Variants in MCTP2 observed in about 807,000 individuals in gnomAD.
MCTP2 encodes the protein multiple C2 and transmembrane domain containing 2.
A neutral mutation model predicts 111.6 loss-of-function variants in MCTP2; 132 were observed. The observed-to-expected ratio is 1.18, with a 90% CI of 1.03 to 1.37. The LOEUF is 1.37. Ranked by LOEUF, MCTP2 falls within the 40% of genes most tolerant of loss-of-function variation. The pLI, the probability that MCTP2 is intolerant of heterozygous loss-of-function variation, is 0.00. For synonymous variants in MCTP2, 395 were observed against 387.7 expected, an observed-to-expected ratio of 1.02 and a Z score of -0.22; for missense variants, 1,183 against 1,067.9, an observed-to-expected ratio of 1.11 and a Z score of -1.50.
At position 94,356,130 on chromosome 15, in the gene MCTP2, GCTTTAGTCCT is replaced by G. The variant is rs929169310; in HGVS notation, c.1006-2_1013del. On this transcript the variant is annotated splice_acceptor_variant and splice_polypyrimidine_tract_variant and coding_sequence_variant and intron_variant, in exon 9 of 23. Coordinates refer to ENST00000357742, the MANE Select transcript of MCTP2 (RefSeq NM_001385001.1). LOFTEE classifies it high-confidence loss of function. ...AGTTTACATGTCATCTTTATTTTTT[GCTTTAGTCCT>G]CTTTGATACGCAACCTACGGCTCTC... The G allele has an allele frequency of 6.4e-7, 1 of 1,562,804 alleles. No individual in the cohort carries two copies. Among genetic ancestry groups the G allele is most frequent in the African/African-American group, 1.4e-5 (1 of 72,160 alleles).
intron 8 of MCTP2, among the ~76,000 whole-genome samples, chr15:94,347,745 C>T (rs767016507): frequency 2.0e-4 from 31 of 151,996 alleles, no homozygotes; most frequent in Admixed American, 8.5e-4. Context: ...TATAACAATT[C>T]GAGAGCTAAA....
chr15:94,301,815 C>G (rs918444065), intron 2 of MCTP2, among the ~76,000 whole-genome samples: 2 of 147,238 alleles, frequency 1.4e-5, no homozygotes, highest in Non-Finnish European at 3.0e-5. Context: ...GATTTTAACT[C>G]TGAATTTATC....
intron 12 of MCTP2, among the ~76,000 whole-genome samples, chr15:94,377,819 G>T (rs1378584446): frequency 6.6e-6 from 1 of 152,132 alleles, no homozygotes; most frequent in African/African-American, 2.4e-5. Context: ...TGTTCTAGCA[G>T]CGATGTCAAA....
intron 1 of MCTP2, among the ~76,000 whole-genome samples, chr15:94,288,918 G>C (rs2074900735): frequency 6.6e-6 from 1 of 152,140 alleles, no homozygotes; most frequent in South Asian, 2.1e-4. Context: ...AGCAGACTGG[G>C]GATGACAGAG....
intron 17 of MCTP2, among the ~76,000 whole-genome samples, chr15:94,431,490 T>C (rs1282834467): frequency 6.6e-6 from 1 of 152,188 alleles, no homozygotes; most frequent in Non-Finnish European, 1.5e-5. Flanking sequence ...AAATGGAATA[T>C]TTTAATCAGT....
chr15:94,395,168 C>G (rs1038365726), intron 14 of MCTP2, among the ~76,000 whole-genome samples: 1 of 152,224 alleles, frequency 6.6e-6, no homozygotes, highest in Admixed American at 6.5e-5. Flanking sequence ...ACATGTCTGT[C>G]CTCGTCACAT....
At chr15:94,450,818 T>TTGTC (rs1354189797) in intron 19 of MCTP2, among the ~76,000 whole-genome samples, 1 of 152,252 alleles carries the variant, frequency 6.6e-6, no homozygotes, top group East Asian at 1.9e-4. Flanking sequence ...TTTCAGGACT[T>TTGTC]TGTCTCCTGT....
chr15:94,259,739 T>C (rs1406546983), intron 1 of MCTP2, among the ~76,000 whole-genome samples: 1 of 152,244 alleles, frequency 6.6e-6, no homozygotes, highest in Admixed American at 6.5e-5. Flanking sequence ...GTTGCCCTTT[T>C]GTTCAGGTTA....
At chr15:94,288,596 T>G (rs2074877695) in intron 1 of MCTP2, among the ~76,000 whole-genome samples, 1 of 152,208 alleles carries the variant, frequency 6.6e-6, no homozygotes, top group African/African-American at 2.4e-5. Flanking sequence ...CTTTGTAGAC[T>G]TAAATAAAGC....
At chr15:94,313,934 C>T (rs294554) in intron 2 of MCTP2, among the ~76,000 whole-genome samples, 76,697 of 152,108 alleles carry the variant, frequency 0.5, 19,742 homozygotes, top group Non-Finnish European at 0.56. Flanking sequence ...GGCTGGGGGC[C>T]GGGCTGGCCC....
chr15:94,302,920 A>G (rs757250668), intron 2 of MCTP2, among the ~76,000 whole-genome samples: 1 of 151,828 alleles, frequency 6.6e-6, no homozygotes. Flanking sequence ...ACAGTTCCAC[A>G]TGGCTGGGGA....
chr15:94,281,329 C>T (rs1205402712), intron 1 of MCTP2, among the ~76,000 whole-genome samples: 2 of 151,744 alleles, frequency 1.3e-5, no homozygotes, highest in African/African-American at 4.8e-5. Flanking sequence ...CTTCTTTGTC[C>T]TTCTTGATTA....
chr15:94,298,233 CT>C lies in MCTP2; in HGVS notation c.-32del, dbSNP rs757267764. On this transcript the variant is annotated 5_prime_UTR_variant, in exon 2 of 23. Transcript: ENST00000357742. Reference sequence around the variant, plus strand: ...TGCAGTTTTCAGTAGAGGTGTACTTCTGAGAAGTGGCTTCTTGGGTCTTCAT... The same window carrying C: ...TGCAGTTTTCAGTAGAGGTGTACTTCGAGAAGTGGCTTCTTGGGTCTTCAT... 6.5e-7 allele frequency: 1 copy of C among 1,537,954 alleles called. No individual in the cohort carries two copies. Among genetic ancestry groups the C allele is most frequent in the Non-Finnish European group, 8.8e-7 (1 of 1,138,992 alleles).
At chr15:94,287,296 A>C (rs2152320298) in intron 1 of MCTP2, among the ~76,000 whole-genome samples, 1 of 151,222 alleles carries the variant, frequency 6.6e-6, no homozygotes, top group East Asian at 1.9e-4. Flanking sequence ...TTCTTTATAC[A>C]TGGTTGTTTA....
At chr15:94,460,617 G>A (rs1028066506) in intron 20 of MCTP2, among the ~76,000 whole-genome samples, 1 of 152,204 alleles carries the variant, frequency 6.6e-6, no homozygotes, top group Non-Finnish European at 1.5e-5. Flanking sequence ...AGTGACTGTT[G>A]TGCCGTTGAT....
intron 19 of MCTP2, among the ~76,000 whole-genome samples, chr15:94,454,000 C>T (rs867830886): frequency 1.3e-5 from 2 of 152,244 alleles, no homozygotes; most frequent in Middle Eastern, 3.4e-3. Flanking sequence ...TATCATTTTC[C>T]ACTTCAAGAT....
intron 4 of MCTP2, among the ~76,000 whole-genome samples, chr15:94,331,135 AAT>A (rs1257634318): frequency 6.6e-6 from 1 of 152,232 alleles, no homozygotes. Context: ...TCATCATGTT[AAT>A]ATATTGACAG....
intron 20 of MCTP2, among the ~76,000 whole-genome samples, chr15:94,461,028 G>GA (rs953770192): frequency 1.3e-5 from 2 of 150,672 alleles, no homozygotes; most frequent in Non-Finnish European, 3.0e-5. Context: ...GATGGGTTGG[G>GA]GGGGACCCCA....
At chr15:94,243,678 T>C (rs184709355) in intron 1 of MCTP2, among the ~76,000 whole-genome samples, 1 of 148,926 alleles carries the variant, frequency 6.7e-6, no homozygotes, top group East Asian at 2.0e-4. Context: ...TATACACATA[T>C]ATGTATACAC....
Sources: gnomAD v4.1 joint callset for allele counts (sites outside exome capture counted in the v4.1 genomes callset) on GRCh38, gnomAD v4.1.1 for gene constraint, MANE v1.5 for transcripts, NCBI Gene and HGNC (gene_info 2026-07-23, HGNC 2026-07-21) for gene names.